The following SDK1 variants were observed in gnomAD, a reference collection of about 807,000 sequenced individuals.
The protein encoded by SDK1 is sidekick cell adhesion molecule 1.
A neutral mutation model predicts 245.5 loss-of-function variants in SDK1; 157 were observed. That is an observed-to-expected ratio of 0.64 (90% CI 0.56 to 0.73). SDK1 has a LOEUF of 0.73. SDK1 is among the 30% of genes least tolerant of loss of function. The pLI, the probability that SDK1 is intolerant of heterozygous loss-of-function variation, is 0.00. For synonymous variants in SDK1, 1,647 were observed against 1,278.5 expected (o/e 1.29, Z -6.15); for missense variants, 3,583 against 3,002.3 (o/e 1.19, Z -4.52).
At chr7:3,396,998 G>T (rs1329773814) in intron 1 of SDK1, among the ~76,000 whole-genome samples, 2 of 151,418 alleles carry the variant, frequency 1.3e-5, no homozygotes, top group African/African-American at 4.8e-5. Context: ...CATTCTTGTT[G>T]TTTCTTTTAG....
chr7:3,708,968 C>G (rs1413798151), intron 4 of SDK1, among the ~76,000 whole-genome samples: 2 of 152,226 alleles, frequency 1.3e-5, no homozygotes, highest in African/African-American at 4.8e-5. Context: ...TGATACTCTT[C>G]CAGCCATCAT....
At chr7:3,609,994 C>A (rs1000409197) in intron 1 of SDK1, among the ~76,000 whole-genome samples, 2 of 152,194 alleles carry the variant, frequency 1.3e-5, no homozygotes, top group African/African-American at 4.8e-5. Context: ...AGCCATCATA[C>A]CTGGCATAGA....
chr7:3,780,914 C>G (rs535763832), intron 4 of SDK1, among the ~76,000 whole-genome samples: 69 of 152,158 alleles, frequency 4.5e-4, no homozygotes, highest in African/African-American at 1.6e-3. Context: ...TCAGCTTTAC[C>G]TAGGAAGGCA....
intron 1 of SDK1, among the ~76,000 whole-genome samples, chr7:3,406,149 G>A (rs913643000): frequency 2.0e-5 from 3 of 152,198 alleles, no homozygotes; most frequent in Admixed American, 6.5e-5. Flanking sequence ...TCTAGAACAA[G>A]TTAAGTGGTT....
chr7:3,883,706 C>G (rs1583510212), intron 5 of SDK1, among the ~76,000 whole-genome samples: 1 of 151,192 alleles, frequency 6.6e-6, no homozygotes, highest in South Asian at 2.1e-4. Flanking sequence ...CCCTCCCTCC[C>G]TCCCTCCCTC....
At chr7:3,343,545 G>T (rs1163926651) in intron 1 of SDK1, among the ~76,000 whole-genome samples, 1 of 152,120 alleles carries the variant, frequency 6.6e-6, no homozygotes, top group African/African-American at 2.4e-5. Flanking sequence ...TGACATGTGG[G>T]ATCCTTGTGG....
chr7:3,551,350 A>G lies in SDK1; in HGVS notation c.299-67730A>G, dbSNP rs559806278. Among the ~76,000 whole-genome samples the G allele has an allele frequency of 6.0e-4, 92 of 152,340 alleles. 3 individuals are homozygous for G. The South Asian group carries it at 0.018, about 30-fold the overall frequency. The stretch of plus-strand genomic sequence containing the variant: ...AATAAACTGAATTTTTAATGTTCAT[A>G]TGTTATACGATATGCCAAGATTATC... On this transcript the variant is annotated intron_variant, in intron 1 of 44. Coordinates refer to ENST00000404826, the MANE Select transcript of SDK1 (RefSeq NM_152744.4).
chr7:3,467,704 AG>A (rs1475315745), intron 1 of SDK1, among the ~76,000 whole-genome samples: 1 of 152,076 alleles, frequency 6.6e-6, no homozygotes, highest in African/African-American at 2.4e-5. Flanking sequence ...TTCTTTCCAT[AG>A]TTTCTTTGTA....
Position 4,079,499 on chromosome 7 carries a change from A to C in SDK1, c.3239A>C (p.Asn1080Thr). The change falls in exon 22 of 45, where the codon AAC (asparagine) becomes ACC (threonine). Residue 1080 changes from asparagine (N) to threonine (T), a missense_variant. By Grantham distance (65) the Asn-to-Thr change is moderately conservative. Coordinates refer to ENST00000404826, the MANE Select transcript of SDK1 (RefSeq NM_152744.4). ...PGAPSNLVIS[N>T]ISPRSATLQF... Reference sequence around the variant, plus strand: ...GCCCCATCCAACCTGGTCATTTCCAACATCAGCCCTCGCTCCGCCACCCTT... The same window carrying C: ...GCCCCATCCAACCTGGTCATTTCCACCATCAGCCCTCGCTCCGCCACCCTT... 6.2e-7 allele frequency: 1 copy of C among 1,614,092 alleles called. No homozygotes were observed. The highest frequency in any genetic ancestry group is 8.5e-7 in the Non-Finnish European group (1 of 1,180,032).
intron 2 of SDK1, among the ~76,000 whole-genome samples, chr7:3,620,552 C>T (rs1781906236): frequency 6.6e-6 from 1 of 152,178 alleles, no homozygotes; most frequent in African/African-American, 2.4e-5. Flanking sequence ...ATCTGCCTGC[C>T]TTGGCCTGCC....
At chr7:3,745,636 G>A (rs938773379) in intron 4 of SDK1, among the ~76,000 whole-genome samples, 2 of 152,008 alleles carry the variant, frequency 1.3e-5, no homozygotes, top group Non-Finnish European at 2.9e-5. Context: ...CAACTGATCC[G>A]CCATGACAGA....
chr7:3,638,149 T>C (rs1345188450), intron 2 of SDK1, among the ~76,000 whole-genome samples: 1 of 152,238 alleles, frequency 6.6e-6, no homozygotes, highest in Non-Finnish European at 1.5e-5. Context: ...CTAGATACCA[T>C]GGTTACAGTG....
At position 3,950,970 on chromosome 7, in the gene SDK1, C is replaced by G. The variant is rs750483213; in HGVS notation, c.895C>G (p.Pro299Ala). 5 of 1,614,078 alleles carry G rather than the reference C, an allele frequency of 3.1e-6. No individual in the cohort carries two copies. The highest frequency in any genetic ancestry group is 4.2e-6 in the Non-Finnish European group (5 of 1,180,004). The change falls in exon 6 of 45, where the codon CCG becomes GCG. Residue 299 changes from proline to alanine, a missense_variant. Physicochemically the swap from Pro to Ala is conservative, Grantham distance 27 (BLOSUM62 -1). Coordinates refer to ENST00000404826, the MANE Select transcript of SDK1 (RefSeq NM_152744.4). Reference sequence around the variant, plus strand: ...CATGGCCCCAACCATTGTGGTTCCCCCGGGCAACAGAAGTGTGGTGGCTGG... The same window carrying G: ...CATGGCCCCAACCATTGTGGTTCCCGCGGGCAACAGAAGTGTGGTGGCTGG... ...ETMAPTIVVP[P>A]GNRSVVAGSS...
chr7:3,542,891 C>T (rs1424988330), intron 1 of SDK1, among the ~76,000 whole-genome samples: 1 of 152,204 alleles, frequency 6.6e-6, no homozygotes, highest in Non-Finnish European at 1.5e-5. Flanking sequence ...GCTTTAGAAG[C>T]TTCCCAAAAG....
chr7:3,883,288 C>G (rs543990951), intron 5 of SDK1, among the ~76,000 whole-genome samples: 18 of 152,168 alleles, frequency 1.2e-4, no homozygotes, highest in Admixed American at 7.2e-4. Flanking sequence ...AAGCTTAAGG[C>G]CTTGTATATA....
chr7:3,488,053 C>T (rs1032956424), intron 1 of SDK1, among the ~76,000 whole-genome samples: 2 of 152,198 alleles, frequency 1.3e-5, no homozygotes, highest in Admixed American at 6.5e-5. Context: ...GTTTCCCCCA[C>T]ACCTTTCAAA....
chr7:3,359,782 G>A (rs999904608), intron 1 of SDK1, among the ~76,000 whole-genome samples: 14 of 152,130 alleles, frequency 9.2e-5, no homozygotes, highest in African/African-American at 3.4e-4. Context: ...CTCTTTGGGG[G>A]ATGTGACATT....
At chr7:3,501,781 C>G (rs925569805) in intron 1 of SDK1, among the ~76,000 whole-genome samples, 4 of 152,220 alleles carry the variant, frequency 2.6e-5, no homozygotes, top group African/African-American at 7.2e-5. Context: ...TTATGATGGA[C>G]TATCAGTATG....
intron 1 of SDK1, among the ~76,000 whole-genome samples, chr7:3,309,068 T>C (rs1487280510): frequency 1.3e-5 from 2 of 152,144 alleles, no homozygotes; most frequent in African/African-American, 4.8e-5. Flanking sequence ...ATCATAAAGG[T>C]ATAACCTATC....
Sources: gnomAD v4.1 joint callset for allele counts (sites outside exome capture counted in the v4.1 genomes callset) on GRCh38, gnomAD v4.1.1 for gene constraint, MANE v1.5 for transcripts, NCBI Gene and HGNC (gene_info 2026-07-23, HGNC 2026-07-21) for gene names.